The following ZC3H12B variants were observed in gnomAD, a reference collection of about 807,000 sequenced individuals.
ZC3H12B encodes the protein zinc finger CCCH-type containing 12B, also known as probable ribonuclease ZC3H12B.
In ZC3H12B, 7 loss-of-function variants were observed where a neutral mutation model predicts 43.9. The ratio of observed to expected loss-of-function variants is 0.16; its 90% CI spans 0.09 to 0.30. The LOEUF is 0.30. Ranked by LOEUF, ZC3H12B falls within the 10% of genes least tolerant of loss-of-function variation. The pLI is 1.00. For missense variants in ZC3H12B, 475 were observed against 670.2 expected (o/e 0.71, Z 3.22); for synonymous variants, 222 against 241.7 (o/e 0.92, Z 0.76).
the ZC3H12B span, among the ~76,000 whole-genome samples, chrX:65,340,684 G>T: frequency 1.8e-5 from 2 of 111,601 alleles, no homozygotes; most frequent in Non-Finnish European, 3.8e-5. Context: ...CACCAATTAG[G>T]ATAAAAGAAA....
At chrX:65,350,627 A>C in the ZC3H12B span, among the ~76,000 whole-genome samples, 171 of 112,356 alleles carry the variant, frequency 1.5e-3, 1 homozygote, top group African/African-American at 5.2e-3. Flanking sequence ...ACTTCAGCAA[A>C]GTCTCAGGAT....
At chrX:65,422,636 T>C (rs998393880) in intron 3 of ZC3H12B, among the ~76,000 whole-genome samples, 4 of 111,154 alleles carry the variant, frequency 3.6e-5, no homozygotes, top group African/African-American at 1.3e-4. Flanking sequence ...GCTGCATCCA[T>C]CAACCCATCA....
the ZC3H12B span, among the ~76,000 whole-genome samples, chrX:65,179,664 T>C: frequency 9.0e-6 from 1 of 111,190 alleles, no homozygotes; most frequent in African/African-American, 3.3e-5. Context: ...ATGTCACCAC[T>C]GATCCAACAG....
At chrX:65,394,931 C>A (rs1358861248) in intron 2 of ZC3H12B, among the ~76,000 whole-genome samples, 1 of 110,978 alleles carries the variant, frequency 9.0e-6, no homozygotes, top group African/African-American at 3.3e-5. Flanking sequence ...CCCTTCTAAG[C>A]TGTTAAGTGG....
At chrX:65,191,592 T>A in the ZC3H12B span, among the ~76,000 whole-genome samples, 1 of 103,743 alleles carries the variant, frequency 9.6e-6, no homozygotes, top group Non-Finnish European at 1.9e-5. Flanking sequence ...TGCATAGAGG[T>A]GTTTGTAGTA....
At chrX:65,202,190 T>TTTCTATA in the ZC3H12B span, among the ~76,000 whole-genome samples, 7 of 86,171 alleles carry the variant, frequency 8.1e-5, no homozygotes, top group African/African-American at 2.7e-4. Flanking sequence ...TAATATATAT[T>TTTCTATA]ATATATAATA....
the ZC3H12B span, among the ~76,000 whole-genome samples, chrX:65,274,062 C>G: frequency 8.9e-6 from 1 of 111,892 alleles, no homozygotes; most frequent in Non-Finnish European, 1.9e-5. Flanking sequence ...ATGGCATCAC[C>G]CAGTCTCTGC....
chrX:65,463,108 G>A (rs2067773294), intron 3 of ZC3H12B, among the ~76,000 whole-genome samples: 1 of 111,747 alleles, frequency 8.9e-6, no homozygotes, highest in Non-Finnish European at 1.9e-5. Flanking sequence ...AGATACTGGG[G>A]ACTACTAGAA....
the ZC3H12B span, among the ~76,000 whole-genome samples, chrX:65,054,429 C>T: frequency 9.1e-6 from 1 of 109,875 alleles, no homozygotes; most frequent in Non-Finnish European, 1.9e-5. Flanking sequence ...AGATATGTGG[C>T]ATTATTTCTG....
the ZC3H12B span, among the ~76,000 whole-genome samples, chrX:65,151,495 A>C: frequency 2.3e-4 from 26 of 112,059 alleles, no homozygotes; most frequent in South Asian, 3.0e-3. Flanking sequence ...AAGTTTGTTT[A>C]ATGGAAATGA....
the ZC3H12B span, among the ~76,000 whole-genome samples, chrX:65,054,615 T>G: frequency 8.9e-6 from 1 of 112,105 alleles, no homozygotes; most frequent in Non-Finnish European, 1.9e-5. Context: ...TTATTCCAAT[T>G]CTGTGAAGAA....
chrX:65,388,470 G>A lies in ZC3H12B; in HGVS notation n.296-10123G>A, dbSNP rs187346217. ...CTTGTGCATTCATCACGTAGTTCTC[G>A]TGCCTTGGTATTCAGCTCCATCATG... On this transcript the variant is annotated intron_variant and non_coding_transcript_variant, in intron 2 of 5. Coordinates refer to the ZC3H12B transcript ENST00000617377. Among the ~76,000 whole-genome samples, 14 of 111,892 alleles carry A rather than the reference G, an allele frequency of 1.3e-4. No individual in the cohort carries two copies. In the South Asian group the frequency reaches 3.4e-3, roughly 27 times the overall value.
chrX:65,153,806 A>C, the ZC3H12B span, among the ~76,000 whole-genome samples: 1 of 111,108 alleles, frequency 9.0e-6, no homozygotes, highest in Admixed American at 9.6e-5. Context: ...CACTATTCAC[A>C]ATAGCAAAGA....
the ZC3H12B span, among the ~76,000 whole-genome samples, chrX:65,129,244 TG>T: frequency 9.4e-6 from 1 of 106,449 alleles, no homozygotes; most frequent in Non-Finnish European, 1.9e-5. Flanking sequence ...TATATATGTA[TG>T]TGTGTATATA....
chrX:65,227,098 C>T, the ZC3H12B span, among the ~76,000 whole-genome samples: 2 of 111,399 alleles, frequency 1.8e-5, no homozygotes, highest in East Asian at 2.8e-4. Flanking sequence ...AGCACCACAC[C>T]ACACCTATTC....
rs779254276 is a variant in ZC3H12B at position 65,452,652 on chromosome X, C to T, written n.408-35994C>T. The stretch of plus-strand genomic sequence containing the variant: ...GGTCAGGAATTCAAGACCAGCCTGG[C>T]CAACATGGTGAAACCCCATCTCTAC... On this transcript the variant is annotated intron_variant and non_coding_transcript_variant, in intron 3 of 5. Transcript: ENST00000617377. Among the ~76,000 whole-genome samples, 10 of 111,440 alleles carry T rather than the reference C, an allele frequency of 9.0e-5. No individual in the cohort carries two copies. In the East Asian group the frequency reaches 2.8e-3, roughly 31 times the overall value.
intron 2 of ZC3H12B, among the ~76,000 whole-genome samples, chrX:65,374,033 AC>A (rs1306446307): frequency 1.9e-5 from 1 of 52,937 alleles, no homozygotes; most frequent in East Asian, 5.6e-4. Context: ...TATATATATA[AC>A]TATATATACA....
the ZC3H12B span, among the ~76,000 whole-genome samples, chrX:65,076,208 G>A: frequency 9.3e-6 from 1 of 107,696 alleles, no homozygotes; most frequent in East Asian, 2.9e-4. Context: ...CTGTTGGAGT[G>A]CAGTGGTGTG....
chrX:65,071,911 A>T, the ZC3H12B span, among the ~76,000 whole-genome samples: 1 of 111,322 alleles, frequency 9.0e-6, no homozygotes, highest in East Asian at 2.8e-4. Flanking sequence ...ACCTTGGAGA[A>T]TCTCATGGTT....
Sources: allele counts gnomAD v4.1 joint callset (sites outside exome capture counted in the v4.1 genomes callset), GRCh38; gene constraint gnomAD v4.1.1; transcripts MANE v1.5; gene names NCBI Gene and HGNC (gene_info 2026-07-23, HGNC 2026-07-21).